SHISA9: variants seen among roughly 807,000 people sequenced by gnomAD.
The protein encoded by SHISA9 is shisa family member 9.
In SHISA9, 13 loss-of-function variants were observed where a neutral mutation model predicts 38.0. The observed-to-expected ratio is 0.34, with a 90% CI of 0.22 to 0.54. The LOEUF (loss-of-function observed/expected upper bound fraction) is 0.54. SHISA9 is among the 20% of genes least tolerant of loss of function. The probability of loss-of-function intolerance (pLI) is 0.91; values close to 1 mark genes in which losing one functional copy is unlikely to be tolerated. For synonymous variants in SHISA9, 275 were observed against 242.0 expected (o/e 1.14, Z -1.27); for missense variants, 538 against 575.8 (o/e 0.93, Z 0.67).
chr16:13,532,693 AT>A, the SHISA9 span, among the ~76,000 whole-genome samples: 1 of 151,862 alleles, frequency 6.6e-6, no homozygotes, highest in Admixed American at 6.6e-5. Context: ...CCTTCTGACA[AT>A]TTCTTTTCCT....
intron 2 of SHISA9, among the ~76,000 whole-genome samples, chr16:13,005,250 G>T (rs1013416802): frequency 6.6e-6 from 1 of 152,174 alleles, no homozygotes; most frequent in Non-Finnish European, 1.5e-5. Flanking sequence ...GGATATATGA[G>T]TATGGAGTTC....
intron 2 of SHISA9, among the ~76,000 whole-genome samples, chr16:12,960,112 C>T (rs1034814877): frequency 1.3e-5 from 2 of 152,068 alleles, no homozygotes; most frequent in Non-Finnish European, 2.9e-5. Flanking sequence ...GCTCATTTGG[C>T]GTTTGGCCCT....
intron 2 of SHISA9, among the ~76,000 whole-genome samples, chr16:13,071,137 T>C (rs566657291): frequency 6.6e-6 from 1 of 152,266 alleles, no homozygotes; most frequent in East Asian, 1.9e-4. Context: ...ATGTATTTAA[T>C]GACAGAGAAC....
intron 2 of SHISA9, among the ~76,000 whole-genome samples, chr16:13,148,700 C>CAA (rs2050470817): frequency 2.3e-5 from 3 of 132,614 alleles, no homozygotes; most frequent in African/African-American, 9.9e-5. Flanking sequence ...CACACACACA[C>CAA]ACACACACAC....
At chr16:13,509,373 C>A in the SHISA9 span, among the ~76,000 whole-genome samples, 14 of 152,164 alleles carry the variant, frequency 9.2e-5, no homozygotes, top group Non-Finnish European at 1.3e-4. Context: ...CTCAGACTGC[C>A]TGGATTCAAA....
the SHISA9 span, among the ~76,000 whole-genome samples, chr16:13,316,397 C>G: frequency 6.6e-6 from 1 of 152,132 alleles, no homozygotes; most frequent in Non-Finnish European, 1.5e-5. Context: ...AGAATGTGAC[C>G]TCTCCTTGTT....
At chr16:13,242,604 G>T (rs902888369), downstream of SHISA9, among the ~76,000 whole-genome samples, 1 of 152,178 alleles carries the variant, frequency 6.6e-6, no homozygotes, top group Non-Finnish European at 1.5e-5. Context: ...CAGGAGACTT[G>T]GCTGGTGGTA....
the SHISA9 span, among the ~76,000 whole-genome samples, chr16:13,506,545 T>C: frequency 3.3e-5 from 5 of 152,106 alleles, no homozygotes; most frequent in Non-Finnish European, 7.4e-5. Flanking sequence ...AAAGACCTGA[T>C]GGAATTAGAC....
At chr16:13,493,174 A>T in the SHISA9 span, among the ~76,000 whole-genome samples, 17 of 151,678 alleles carry the variant, frequency 1.1e-4, no homozygotes, top group Non-Finnish European at 1.5e-5. Context: ...GATAATGCAT[A>T]TCAAGTGCTT....
At chr16:13,501,731 G>A in the SHISA9 span, among the ~76,000 whole-genome samples, 62 of 152,260 alleles carry the variant, frequency 4.1e-4, 1 homozygote, top group Non-Finnish European at 1.2e-4. Flanking sequence ...GGGCGGGCAC[G>A]GTGGCTCAAG....
At chr16:13,189,743 C>T (rs1377627978) in intron 2 of SHISA9, among the ~76,000 whole-genome samples, 2 of 152,172 alleles carry the variant, frequency 1.3e-5, no homozygotes, top group East Asian at 3.9e-4. Context: ...CAGAAGAAAA[C>T]TGTATTTTTA....
At chr16:13,550,022 C>CAA in the SHISA9 span, among the ~76,000 whole-genome samples, 2,160 of 133,372 alleles carry the variant, frequency 0.016, 57 homozygotes, top group African/African-American at 0.053. Context: ...GACTGTGTCT[C>CAA]AAAAAAAAAA....
At chr16:13,377,556 C>T in the SHISA9 span, among the ~76,000 whole-genome samples, 4 of 152,228 alleles carry the variant, frequency 2.6e-5, no homozygotes, top group South Asian at 2.1e-4. Context: ...ATTTTGATCC[C>T]GATCACCTTT....
At chr16:13,509,054 T>C in the SHISA9 span, among the ~76,000 whole-genome samples, 1 of 152,182 alleles carries the variant, frequency 6.6e-6, no homozygotes, top group East Asian at 1.9e-4. Context: ...CCGACCCTCC[T>C]TGGCTCCAAA....
intron 3 of SHISA9, among the ~76,000 whole-genome samples, chr16:13,211,214 T>G (rs1222538770): frequency 6.6e-6 from 1 of 151,688 alleles, no homozygotes; most frequent in Non-Finnish European, 1.5e-5. Flanking sequence ...GGAGAATCAC[T>G]TGAACCCGGG....
At chr16:13,074,691 T>C (rs556704636) in intron 2 of SHISA9, among the ~76,000 whole-genome samples, 139 of 148,962 alleles carry the variant, frequency 9.3e-4, no homozygotes, top group African/African-American at 3.3e-3. Context: ...TGAGGTGGAG[T>C]TTTGCTGTTG....
At chr16:13,029,285 C>G (rs1368562371) in intron 2 of SHISA9, among the ~76,000 whole-genome samples, 1 of 152,196 alleles carries the variant, frequency 6.6e-6, no homozygotes, top group South Asian at 2.1e-4. Context: ...TACACATACA[C>G]AATGGAGTAC....
chr16:13,387,033 G>A, the SHISA9 span, among the ~76,000 whole-genome samples: 107 of 152,224 alleles, frequency 7.0e-4, no homozygotes, highest in African/African-American at 2.5e-3. Flanking sequence ...ACGATTCTGT[G>A]CCTTCCCCTC....
intron 2 of SHISA9, among the ~76,000 whole-genome samples, chr16:13,100,358 A>G (rs908388315): frequency 2.0e-5 from 3 of 152,054 alleles, no homozygotes; most frequent in African/African-American, 7.2e-5. Context: ...GCATTAGAAA[A>G]TTGTTGTTTG....
Sources: gnomAD v4.1 joint callset for allele counts (sites outside exome capture counted in the v4.1 genomes callset) on GRCh38, gnomAD v4.1.1 for gene constraint, MANE v1.5 for transcripts, NCBI Gene and HGNC (gene_info 2026-07-23, HGNC 2026-07-21) for gene names.